The following TGFBR2 variants were observed in gnomAD, a reference collection of about 807,000 sequenced individuals.
The protein encoded by TGFBR2 is TGF-beta receptor type-2.
A neutral mutation model predicts 49.0 loss-of-function variants in TGFBR2; 18 were observed. The observed-to-expected ratio is 0.37, with a 90% CI of 0.25 to 0.54. The LOEUF (loss-of-function observed/expected upper bound fraction) is 0.54. Ranked by LOEUF, TGFBR2 falls within the 20% of genes least tolerant of loss-of-function variation. The pLI is 0.85. For missense variants in TGFBR2, 525 were observed against 722.6 expected, an observed-to-expected ratio of 0.73 and a Z score of 3.13; for synonymous variants, 282 against 275.9, an observed-to-expected ratio of 1.02 and a Z score of -0.22.
At chr3:30,635,739 T>C (rs931770601) in intron 1 of TGFBR2, among the ~76,000 whole-genome samples, 1 of 152,224 alleles carries the variant, frequency 6.6e-6, no homozygotes, top group African/African-American at 2.4e-5. Flanking sequence ...ATTTGTTTGG[T>C]AAATACAAAT....
chr3:30,640,658 T>A lies in TGFBR2; in HGVS notation c.95-4089T>A, dbSNP rs530262559. 9.2e-4 allele frequency among the ~76,000 whole-genome samples: 140 copies of A among 152,020 alleles called. 1 individual carries two copies. The highest frequency in any genetic ancestry group is 3.1e-3 in the African/African-American group (129 of 41,478). Reference sequence around the variant, plus strand: ...GTACAGCCACAATCATCAATTTTTTTAAAAAAATATTTTGCATCCACGGTT... The same window carrying A: ...GTACAGCCACAATCATCAATTTTTTAAAAAAAATATTTTGCATCCACGGTT... On this transcript the variant is annotated intron_variant, in intron 1 of 6. Coordinates refer to ENST00000295754, the MANE Select transcript of TGFBR2 (RefSeq NM_003242.6).
At chr3:30,659,298 G>C (rs1262743863) in intron 3 of TGFBR2, among the ~76,000 whole-genome samples, 3 of 152,152 alleles carry the variant, frequency 2.0e-5, no homozygotes, top group Admixed American at 6.6e-5. Flanking sequence ...GATTAAAGTT[G>C]CTAGTCTCAT....
intron 3 of TGFBR2, among the ~76,000 whole-genome samples, chr3:30,668,834 C>T (rs781132881): frequency 6.6e-6 from 1 of 151,732 alleles, no homozygotes; most frequent in African/African-American, 2.4e-5. Flanking sequence ...TCTCTGGTTA[C>T]TAGACCCAAG....
chr3:30,640,433 G>A (rs1373435123), intron 1 of TGFBR2, among the ~76,000 whole-genome samples: 3 of 152,110 alleles, frequency 2.0e-5, no homozygotes, highest in Non-Finnish European at 4.4e-5. Context: ...AAGACTCCTC[G>A]AGGAGACCAA....
intron 1 of TGFBR2, among the ~76,000 whole-genome samples, chr3:30,633,852 C>CT (rs1698481076): frequency 6.6e-6 from 1 of 152,210 alleles, no homozygotes; most frequent in South Asian, 2.1e-4. Flanking sequence ...CTTGTACCCA[C>CT]TGTAGCAATT....
At chr3:30,652,213 C>T (rs1465152245) in intron 3 of TGFBR2, among the ~76,000 whole-genome samples, 4 of 147,468 alleles carry the variant, frequency 2.7e-5, no homozygotes, top group South Asian at 2.2e-4. Context: ...GTCCATTTCT[C>T]TCGTTTTCTT....
At chr3:30,626,061 TG>T (rs993484170) in intron 1 of TGFBR2, among the ~76,000 whole-genome samples, 1 of 152,218 alleles carries the variant, frequency 6.6e-6, no homozygotes, top group Non-Finnish European at 1.5e-5. Flanking sequence ...CTCATTGCCC[TG>T]GGGTAGGACT....
chr3:30,607,015 G>A, intron 1 of TGFBR2, 38 bp downstream of exon 1: 1 of 1,527,634 alleles, frequency 6.5e-7, no homozygotes, highest in Non-Finnish European at 8.9e-7. Flanking sequence ...GGGGCGCCGG[G>A]GGTCTTCCTG....
At position 30,644,784 on chromosome 3, in the gene TGFBR2, A is replaced by G. The variant is rs987867000; in HGVS notation, c.132A>G (p.Ala44=). Residue 44 remains alanine (A), a synonymous_variant, in exon 2 of 7, where the codon GCA becomes GCG. Coordinates refer to ENST00000295754, the MANE Select transcript of TGFBR2 (RefSeq NM_003242.6). ...NDMIVTDNNG[A]VKFPQLCKFC... Reference sequence around the variant, plus strand: ...TGATAGTCACTGACAACAACGGTGCAGTCAAGTTTCCACAACTGTGTAAAT... The same window carrying G: ...TGATAGTCACTGACAACAACGGTGCGGTCAAGTTTCCACAACTGTGTAAAT... The G allele has an allele frequency of 6.2e-7, 1 of 1,614,176 alleles. No individual in the cohort carries two copies. Among genetic ancestry groups the G allele is most frequent in the East Asian group, 2.2e-5 (1 of 44,882 alleles).
chr3:30,688,609 G>T, intron 6 of TGFBR2, 98 bp downstream of exon 6: 1 of 1,528,754 alleles, frequency 6.5e-7, no homozygotes, highest in Non-Finnish European at 8.9e-7. Flanking sequence ...CTGAGGGAAG[G>T]TCCCATTGTG....
intron 6 of TGFBR2, among the ~76,000 whole-genome samples, chr3:30,689,623 G>A (rs1294446935): frequency 6.6e-6 from 1 of 152,174 alleles, no homozygotes; most frequent in Non-Finnish European, 1.5e-5. Context: ...TTGGCGAGGG[G>A]GAACCAGGCT....
At chr3:30,624,449 C>A (rs1698292019) in intron 1 of TGFBR2, among the ~76,000 whole-genome samples, 1 of 151,952 alleles carries the variant, frequency 6.6e-6, no homozygotes, top group South Asian at 2.1e-4. Flanking sequence ...AACCCCGTCT[C>A]TACTAAAAAT....
intron 2 of TGFBR2, among the ~76,000 whole-genome samples, chr3:30,649,790 A>G (rs1698845482): frequency 6.6e-6 from 1 of 152,080 alleles, no homozygotes; most frequent in Non-Finnish European, 1.5e-5. Context: ...AACTGTGACT[A>G]TTTCCCCAGG....
chr3:30,645,146 C>A (rs569860514), intron 2 of TGFBR2, among the ~76,000 whole-genome samples: 1 of 152,054 alleles, frequency 6.6e-6, no homozygotes, highest in Non-Finnish European at 1.5e-5. Context: ...ATAAAATGAT[C>A]ATGATAAATG....
intron 1 of TGFBR2, 39 bp downstream of exon 1, chr3:30,607,016 G>C: frequency 6.6e-7 from 1 of 1,526,290 alleles, no homozygotes; most frequent in Non-Finnish European, 8.9e-7. Flanking sequence ...GGGCGCCGGG[G>C]GTCTTCCTGG....
At chr3:30,630,765 A>G (rs60793420) in intron 1 of TGFBR2, among the ~76,000 whole-genome samples, 10,060 of 152,106 alleles carry the variant, frequency 0.066, 545 homozygotes, top group East Asian at 0.26. Context: ...ACCAGCCTGG[A>G]TCCTTTTGCC....
chr3:30,691,708 G>A lies in TGFBR2; in HGVS notation c.*109G>A. Reference sequence around the variant, plus strand: ...TGATGCTTCCTGGAAAACCAAGGGGGTCACTCCCCTCCCTGTAAGCTGTGG... The same window carrying A: ...TGATGCTTCCTGGAAAACCAAGGGGATCACTCCCCTCCCTGTAAGCTGTGG... On this transcript the variant is annotated 3_prime_UTR_variant, in exon 7 of 7. Transcript: ENST00000295754. 5 of 1,245,230 alleles carry A rather than the reference G, an allele frequency of 4.0e-6. No homozygotes were observed. In the South Asian group the frequency reaches 4.9e-5, roughly 12 times the overall value. The allele number at this position is 1,245,230 out of a possible 1,614,324, so 77.1% of individuals were successfully genotyped here.
At chr3:30,663,661 A>G (rs1699187684) in intron 3 of TGFBR2, among the ~76,000 whole-genome samples, 1 of 152,154 alleles carries the variant, frequency 6.6e-6, no homozygotes, top group Non-Finnish European at 1.5e-5. Flanking sequence ...AGGAATAGTG[A>G]TTACTTTTTA....
At chr3:30,636,033 G>A (rs1227836466) in intron 1 of TGFBR2, among the ~76,000 whole-genome samples, 4 of 152,188 alleles carry the variant, frequency 2.6e-5, no homozygotes, top group African/African-American at 9.7e-5. Context: ...TAAGCCATAG[G>A]AGGGTAGGGA....
Sources: allele counts gnomAD v4.1 joint callset (sites outside exome capture counted in the v4.1 genomes callset), GRCh38; gene constraint gnomAD v4.1.1; transcripts MANE v1.5; gene names NCBI Gene and HGNC (gene_info 2026-07-23, HGNC 2026-07-21).